HK1: variants seen among roughly 807,000 people sequenced by gnomAD.
HK1 encodes hexokinase-1.
A neutral mutation model predicts 91.6 loss-of-function variants in HK1; 28 were observed. The observed-to-expected ratio is 0.31, with a 90% CI of 0.23 to 0.42. HK1 has a LOEUF of 0.42. HK1 is among the 10% of genes least tolerant of loss of function. The pLI is 1.00. For synonymous variants in HK1, 430 were observed against 468.1 expected, an observed-to-expected ratio of 0.92 and a Z score of 1.05; for missense variants, 770 against 1,219.8, an observed-to-expected ratio of 0.63 and a Z score of 5.49.
chr10:69,294,809 CAG>C (rs1410030448), intron 3 of HK1, among the ~76,000 whole-genome samples: 3 of 152,078 alleles, frequency 2.0e-5, no homozygotes, highest in African/African-American at 7.2e-5. Context: ...TTGCAGTGAG[CAG>C]AGATCATGCC....
intron 1 of HK1, among the ~76,000 whole-genome samples, chr10:69,334,856 G>A (rs775042015): frequency 6.6e-6 from 1 of 152,220 alleles, no homozygotes; most frequent in Non-Finnish European, 1.5e-5. Flanking sequence ...ACCTAAGGCC[G>A]AGGGGATGCT....
intron 14 of HK1, among the ~76,000 whole-genome samples, chr10:69,390,862 G>A (rs888302810): frequency 6.6e-6 from 1 of 152,210 alleles, no homozygotes; most frequent in African/African-American, 2.4e-5. Flanking sequence ...GTATGTGTGT[G>A]AAGCACTCTT....
rs115631851 is a variant in HK1 at position 69,294,326 on chromosome 10, C to T, written c.-114-1307C>T. On this transcript the variant is annotated intron_variant, in intron 3 of 21. Coordinates refer to the HK1 transcript ENST00000360289. ...GCTGTTTTTTGCAAACAATTTACCA[C>T]ACCCTCCCTATCCATTCAGCTATCA... 4.9e-3 allele frequency among the ~76,000 whole-genome samples: 751 copies of T among 152,264 alleles called. 3 individuals are homozygous for T. Among genetic ancestry groups the T allele is most frequent in the African/African-American group, 0.017 (715 of 41,542 alleles).
chr10:69,327,855 A>T (rs181538614), intron 1 of HK1, among the ~76,000 whole-genome samples: 3 of 152,222 alleles, frequency 2.0e-5, no homozygotes, highest in Non-Finnish European at 4.4e-5. Context: ...TTACCTTATC[A>T]GAGTCCTTGC....
intron 2 of HK1, among the ~76,000 whole-genome samples, chr10:69,349,620 G>C (rs1848742889): frequency 6.6e-6 from 1 of 152,194 alleles, no homozygotes; most frequent in Non-Finnish European, 1.5e-5. Flanking sequence ...AAGGCAGGCT[G>C]TCTCACCCCC....
At chr10:69,305,322 T>A (rs1276790453) in intron 5 of HK1, among the ~76,000 whole-genome samples, 2 of 152,122 alleles carry the variant, frequency 1.3e-5, no homozygotes, top group Non-Finnish European at 2.9e-5. Context: ...AGGCTGGAAA[T>A]GGAATCTTTA....
At chr10:69,359,799 AG>A in intron 2 of HK1, 97 bp from the exon 3 acceptor site, 1 of 1,111,472 alleles carries the variant, frequency 9.0e-7, no homozygotes, top group Non-Finnish European at 1.4e-6. Context: ...TGGCAGGGGG[AG>A]GCAGACAGGG....
At chr10:69,283,798 C>CAAAAAAAAAAA (rs571297748) in intron 2 of HK1, among the ~76,000 whole-genome samples, 5 of 67,574 alleles carry the variant, frequency 7.4e-5, no homozygotes, top group African/African-American at 1.3e-4. Flanking sequence ...GACTCTGTCT[C>CAAAAAAAAAAA]AAAAAAAAAA....
chr10:69,318,240 G>A (rs1846759486), upstream of HK1: 1 of 985,306 alleles, frequency 1.0e-6, no homozygotes, highest in Non-Finnish European at 1.2e-6. Flanking sequence ...ACCCAGGTAG[G>A]CCGGTGCGTT....
Position 69,389,268 on chromosome 10 carries a change from G to A in HK1, c.2007G>A (p.Glu669=), listed in dbSNP as rs117797901. ...VGTMMTCAYE[E]PTCEVGLIVG... ...CCATGATGACCTGTGCTTATGAGGA[G>A]CCCACCTGTGAGGTTGGACTCATTG... Residue 669 remains glutamate (E), a synonymous_variant, in exon 14 of 18, where the codon GAG becomes GAA. Transcript: ENST00000359426. 3,121 of 1,612,550 alleles carry A rather than the reference G, an allele frequency of 1.9e-3. 53 individuals are homozygous for A. In the East Asian group the frequency reaches 0.024, roughly 13 times the overall value.
chr10:69,271,066 C>G (rs1383911924), intron 1 of HK1: 2 of 152,030 alleles, frequency 1.3e-5, no homozygotes, highest in Non-Finnish European at 2.9e-5. Context: ...CACTGAAGAC[C>G]AAAAGAAATA....
chr10:69,320,503 G>A (rs1354249011), intron 1 of HK1, among the ~76,000 whole-genome samples: 1 of 152,146 alleles, frequency 6.6e-6, no homozygotes, highest in Non-Finnish European at 1.5e-5. Flanking sequence ...AGCTGTGCGT[G>A]CGGGTGTGTG....
chr10:69,392,094 C>A, intron 14 of HK1, 31 bp from the exon 15 acceptor site: 1 of 1,613,378 alleles, frequency 6.2e-7, no homozygotes. Flanking sequence ...TGCAAGGCCA[C>A]CGCTCCTCAT....
intron 1 of HK1, among the ~76,000 whole-genome samples, chr10:69,330,325 A>G (rs531406826): frequency 1.3e-4 from 20 of 152,196 alleles, no homozygotes; most frequent in African/African-American, 4.8e-4. Flanking sequence ...ATTTAATCAG[A>G]TGCTTACTTT....
In HK1 at chr10:69,362,507, C is replaced by T. The variant is rs550836091; in HGVS notation, c.376-2276C>T. Among the ~76,000 whole-genome samples the T allele has an allele frequency of 1.0e-4, 15 of 150,306 alleles. 1 individual carries two copies. In the South Asian group the frequency reaches 1.3e-3, roughly 13 times the overall value. ...TAGGTGACTTTTTTTCCTGGTTGAT[C>T]GCAGACATAGTCTAGCCTGGGGCGG... On this transcript the variant is annotated intron_variant, in intron 3 of 17. Transcript: ENST00000359426.
At chr10:69,394,627 G>A (rs1279338004) in intron 15 of HK1, among the ~76,000 whole-genome samples, 1 of 152,142 alleles carries the variant, frequency 6.6e-6, no homozygotes, top group African/African-American at 2.4e-5. Flanking sequence ...AAACAGGCAG[G>A]TAGAACCCAG....
intron 1 of HK1, among the ~76,000 whole-genome samples, chr10:69,321,574 C>G (rs1564510345): frequency 6.6e-6 from 1 of 152,154 alleles, no homozygotes; most frequent in Non-Finnish European, 1.5e-5. Context: ...CCTGGCATCC[C>G]TCAGTAACTC....
intron 7 of HK1, among the ~76,000 whole-genome samples, chr10:69,373,305 T>C (rs1336745501): frequency 2.0e-5 from 3 of 152,220 alleles, no homozygotes; most frequent in African/African-American, 7.2e-5. Context: ...ACCTACTGTA[T>C]ACAGTGGACA....
intron 4 of HK1, among the ~76,000 whole-genome samples, chr10:69,297,176 A>T (rs10998702): frequency 0.14 from 21,862 of 152,282 alleles, 1,779 homozygotes; most frequent in Admixed American, 0.24. Flanking sequence ...TGTTTTATAT[A>T]CTATATTCTG....
Sources: gnomAD v4.1 joint callset for allele counts (sites outside exome capture counted in the v4.1 genomes callset) on GRCh38, gnomAD v4.1.1 for gene constraint, MANE v1.5 for transcripts, NCBI Gene and HGNC (gene_info 2026-07-23, HGNC 2026-07-21) for gene names.